The following DSCAM variants were observed in gnomAD, a reference collection of about 807,000 sequenced individuals.
DSCAM encodes the protein DS cell adhesion molecule.
A neutral mutation model predicts 217.7 loss-of-function variants in DSCAM; 47 were observed. The ratio of observed to expected loss-of-function variants is 0.22; its 90% CI spans 0.17 to 0.28. DSCAM has a LOEUF of 0.28. DSCAM is among the 10% of genes least tolerant of loss of function. The pLI is 1.00. For synonymous variants in DSCAM, 1,056 were observed against 1,015.3 expected (o/e 1.04, Z -0.76); for missense variants, 2,080 against 2,618.3 (o/e 0.79, Z 4.49).
chr21:40,210,765 G>T (rs1367504232), intron 11 of DSCAM, among the ~76,000 whole-genome samples: 1 of 152,112 alleles, frequency 6.6e-6, no homozygotes, highest in Non-Finnish European at 1.5e-5. Flanking sequence ...GGCTGGTCTC[G>T]AACTCCTGAC....
chr21:40,160,294 G>A (rs2090526558), intron 16 of DSCAM, among the ~76,000 whole-genome samples: 1 of 152,122 alleles, frequency 6.6e-6, no homozygotes, highest in Non-Finnish European at 1.5e-5. Context: ...AGAGATGGGT[G>A]TCGTATCTAA....
intron 3 of DSCAM, among the ~76,000 whole-genome samples, chr21:40,478,360 T>C (rs1271492359): frequency 2.6e-5 from 4 of 152,168 alleles, no homozygotes; most frequent in Admixed American, 2.0e-4. Flanking sequence ...TAGGTAAATA[T>C]TTTTTTCTTT....
At chr21:40,813,772 G>A (rs376395896) in intron 1 of DSCAM, among the ~76,000 whole-genome samples, 65 of 150,712 alleles carry the variant, frequency 4.3e-4, no homozygotes, top group Middle Eastern at 3.5e-3. Context: ...TCAGCCTCCC[G>A]AGTAGCTGGG....
At position 40,024,803 on chromosome 21, in the gene DSCAM, A is replaced by G. The variant is rs1477977112; in HGVS notation, c.5687-11417T>C. On this transcript the variant is annotated intron_variant, in intron 32 of 32. Transcript: ENST00000400454. ...AGTGGGGTTTTCTAGATACACAATC[A>G]TGTCATCTGCAAACAGGGACAATTT... Among the ~76,000 whole-genome samples, 4 of 77,174 alleles carry G rather than the reference A, an allele frequency of 5.2e-5. 2 individuals are homozygous for G. Among genetic ancestry groups the G allele is most frequent in the Non-Finnish European group, 1.1e-4 (4 of 35,258 alleles). The allele number at this position is 77,174 out of a possible 152,430, so 50.6% of individuals were successfully genotyped here.
At chr21:40,193,731 G>A (rs902366496) in intron 11 of DSCAM, among the ~76,000 whole-genome samples, 4 of 152,192 alleles carry the variant, frequency 2.6e-5, no homozygotes, top group Non-Finnish European at 2.9e-5. Flanking sequence ...ATTTTGCAGT[G>A]TTTGTAAAAA....
intron 3 of DSCAM, among the ~76,000 whole-genome samples, chr21:40,614,172 CCATGGAAGTCAGATGCAGT>C (rs1157361825): frequency 6.6e-6 from 1 of 152,110 alleles, no homozygotes; most frequent in African/African-American, 2.4e-5. Flanking sequence ...AGTCATGAGG[CCATGGAAGTCAGATGCAGT>C]CATGGAAGTC....
At chr21:40,320,763 C>T (rs1317972912) in intron 8 of DSCAM, among the ~76,000 whole-genome samples, 2 of 152,118 alleles carry the variant, frequency 1.3e-5, no homozygotes, top group African/African-American at 2.4e-5. Flanking sequence ...TATTCACTAC[C>T]ACGAGAACAG....
intron 1 of DSCAM, among the ~76,000 whole-genome samples, chr21:40,827,255 G>T (rs772040439): frequency 2.1e-4 from 32 of 152,222 alleles, no homozygotes; most frequent in Non-Finnish European, 4.0e-4. Context: ...TGGCCCATGT[G>T]TGGTGGCTCA....
chr21:40,389,597 T>C (rs2075115996), intron 3 of DSCAM, among the ~76,000 whole-genome samples: 2 of 152,208 alleles, frequency 1.3e-5, no homozygotes, highest in African/African-American at 4.8e-5. Flanking sequence ...GAGCTTACCA[T>C]CTAAAACATA....
intron 16 of DSCAM, among the ~76,000 whole-genome samples, chr21:40,159,300 T>C (rs1215150171): frequency 6.6e-6 from 1 of 152,230 alleles, no homozygotes; most frequent in African/African-American, 2.4e-5. Context: ...TGTATCTCAC[T>C]TGATTTCTCT....
chr21:40,176,245 C>G (rs11912012), intron 15 of DSCAM, among the ~76,000 whole-genome samples: 69,085 of 151,816 alleles, frequency 0.46, 17,221 homozygotes, highest in African/African-American at 0.68. Context: ...CAATAGGGGT[C>G]TGGGAGCATG....
chr21:40,543,421 T>C (rs1330459065), intron 3 of DSCAM, among the ~76,000 whole-genome samples: 1 of 152,190 alleles, frequency 6.6e-6, no homozygotes, highest in African/African-American at 2.4e-5. Context: ...TCACAGAGCA[T>C]TGGCCTCATG....
At chr21:40,813,124 A>T (rs1327771702) in intron 1 of DSCAM, among the ~76,000 whole-genome samples, 1 of 152,232 alleles carries the variant, frequency 6.6e-6, no homozygotes, top group Admixed American at 6.5e-5. Context: ...GCTCATGCGC[A>T]TAAAAGTGCA....
intron 1 of DSCAM, among the ~76,000 whole-genome samples, chr21:40,841,529 C>G (rs1054465691): frequency 6.6e-6 from 1 of 152,212 alleles, no homozygotes; most frequent in African/African-American, 2.4e-5. Flanking sequence ...GTTAACCCCC[C>G]AGTCCAGGGG....
chr21:40,223,660 G>A (rs529996770), intron 11 of DSCAM, among the ~76,000 whole-genome samples: 9 of 152,038 alleles, frequency 5.9e-5, no homozygotes, highest in Non-Finnish European at 8.8e-5. Flanking sequence ...CATCAATAGC[G>A]GTTGTTAACA....
chr21:40,828,997 C>T (rs1056803307), intron 1 of DSCAM, among the ~76,000 whole-genome samples: 1 of 152,314 alleles, frequency 6.6e-6, no homozygotes, highest in South Asian at 2.1e-4. Context: ...GCAGCCCCTG[C>T]TAGTTCACTC....
At chr21:40,246,274 T>C (rs535584781) in intron 11 of DSCAM, among the ~76,000 whole-genome samples, 1 of 144,234 alleles carries the variant, frequency 6.9e-6, no homozygotes, top group African/African-American at 2.7e-5. Flanking sequence ...CCCAGCACTT[T>C]GGGAAGCCAA....
At chr21:40,554,777 T>C (rs34470559) in intron 3 of DSCAM, among the ~76,000 whole-genome samples, 19,764 of 152,246 alleles carry the variant, frequency 0.13, 1,872 homozygotes, top group African/African-American at 0.27. Context: ...TTCTGGAGGA[T>C]ACTAAGTGTA....
At chr21:40,705,427 T>C (rs1434828037) in intron 2 of DSCAM, among the ~76,000 whole-genome samples, 1 of 152,104 alleles carries the variant, frequency 6.6e-6, no homozygotes, top group Non-Finnish European at 1.5e-5. Flanking sequence ...TTCAGTTGGT[T>C]GTATTAGTCC....
Sources: gnomAD v4.1 joint callset for allele counts (sites outside exome capture counted in the v4.1 genomes callset) on GRCh38, gnomAD v4.1.1 for gene constraint, MANE v1.5 for transcripts, NCBI Gene and HGNC (gene_info 2026-07-23, HGNC 2026-07-21) for gene names.